POLN: variants seen among roughly 807,000 people sequenced by gnomAD.
POLN encodes DNA polymerase N.
POLN carries 108 observed loss-of-function variants against 113.5 expected under a neutral mutation model. The ratio of observed to expected loss-of-function variants is 0.95; its 90% CI spans 0.81 to 1.12. The LOEUF (loss-of-function observed/expected upper bound fraction) is 1.12, where lower values mean the gene tolerates loss of function less well. Ranked by LOEUF, POLN falls within the 50% of genes most tolerant of loss-of-function variation. The probability of loss-of-function intolerance (pLI) is 0.00; values close to 1 mark genes in which losing one functional copy is unlikely to be tolerated. For synonymous variants in POLN, 386 were observed against 391.5 expected (o/e 0.99, Z 0.17); for missense variants, 1,097 against 1,077.1 (o/e 1.02, Z -0.26).
At chr4:2,206,390 A>C (rs545998183) in intron 5 of POLN, among the ~76,000 whole-genome samples, 50 of 152,352 alleles carry the variant, frequency 3.3e-4, no homozygotes, top group African/African-American at 1.2e-3. Flanking sequence ...AAACAAAGAT[A>C]AATAGCTGGG....
intron 2 of POLN, chr4:2,239,953 T>G: frequency 9.7e-7 from 1 of 1,031,100 alleles, no homozygotes; most frequent in Non-Finnish European, 1.5e-6. Flanking sequence ...AGATGCACCA[T>G]TCTAAAGTAC....
intron 23 of POLN, chr4:2,078,821 TAA>T (rs1176454369): frequency 4.1e-6 from 4 of 985,454 alleles, no homozygotes; most frequent in East Asian, 1.1e-4. Flanking sequence ...CGTTCCTGAG[TAA>T]AAGTGTCTGT....
chr4:2,201,128 G>T (rs1358809583), intron 5 of POLN, among the ~76,000 whole-genome samples: 1 of 151,404 alleles, frequency 6.6e-6, no homozygotes, highest in Non-Finnish European at 1.5e-5. Flanking sequence ...TTAGCCGGGC[G>T]TGGTGGCACA....
rs560189724 is a variant in POLN at position 2,183,707 on chromosome 4, T to G, written c.1022-4242A>C. ...TGCTAAGGAGTACAGGGTTTTTTTT[T>G]GGGGTGACAAAAATGTTCTGATATT... On this transcript the variant is annotated intron_variant, in intron 7 of 25. Coordinates refer to ENST00000511885, the MANE Select transcript of POLN (RefSeq NM_181808.4). Among the ~76,000 whole-genome samples the G allele has an allele frequency of 2.3e-4, 35 of 152,170 alleles. 1 individual carries two copies. The highest frequency in any genetic ancestry group is 1.8e-3 in the Admixed American group (28 of 15,284).
intron 16 of POLN, among the ~76,000 whole-genome samples, chr4:2,150,833 G>T (rs538535953): frequency 2.6e-5 from 4 of 152,304 alleles, no homozygotes; most frequent in South Asian, 4.1e-4. Flanking sequence ...ATATACAACA[G>T]TCATAGCTCT....
rs370939604 is a variant in POLN, at chr4:2,196,044, T to C, written c.908+2480A>G. ...CACCATGAAAACTGGGACAACCCAATTGCATCACTAAGGGAAGTCAGGAGG... is the reference window on the plus strand; with the variant it reads ...CACCATGAAAACTGGGACAACCCAACTGCATCACTAAGGGAAGTCAGGAGG... On this transcript the variant is annotated intron_variant, in intron 6 of 25. Transcript: ENST00000511885. Among the ~76,000 whole-genome samples, 74 of 152,226 alleles carry C rather than the reference T, an allele frequency of 4.9e-4. No homozygotes were observed. The South Asian group carries it at 0.015, about 30-fold the overall frequency.
chr4:2,136,467 G>A (rs970030719), intron 16 of POLN, among the ~76,000 whole-genome samples: 6 of 152,232 alleles, frequency 3.9e-5, no homozygotes, highest in Non-Finnish European at 1.5e-5. Flanking sequence ...TGTGGATGGG[G>A]CACATCCCAG....
intron 14 of POLN, 68 bp from the exon 15 acceptor site, chr4:2,157,979 T>A: frequency 8.0e-7 from 1 of 1,250,956 alleles, no homozygotes; most frequent in Non-Finnish European, 1.1e-6. Flanking sequence ...GGGGAAGGAG[T>A]CTCGCTCCAT....
At chr4:2,156,566 T>C in intron 16 of POLN, 1 of 636,174 alleles carries the variant, frequency 1.6e-6, no homozygotes. Flanking sequence ...GGTTTCTGGG[T>C]GTGAAGCCCC....
chr4:2,153,186 G>C (rs1732335371), intron 16 of POLN, among the ~76,000 whole-genome samples: 1 of 152,176 alleles, frequency 6.6e-6, no homozygotes, highest in African/African-American at 2.4e-5. Context: ...AGGCAGGAAA[G>C]GAAAATTCTA....
intron 19 of POLN, among the ~76,000 whole-genome samples, chr4:2,121,221 G>A (rs1731431516): frequency 6.6e-6 from 1 of 152,170 alleles, no homozygotes; most frequent in East Asian, 1.9e-4. Context: ...GATTGCTTGA[G>A]GTCAGGAGCT....
intron 3 of POLN, among the ~76,000 whole-genome samples, chr4:2,213,944 T>G (rs1462045369): frequency 1.3e-5 from 2 of 152,104 alleles, no homozygotes; most frequent in Non-Finnish European, 2.9e-5. Context: ...AGACAAGAAA[T>G]GTAAGCTTAG....
At chr4:2,098,749 A>G (rs1730854860) in intron 19 of POLN, among the ~76,000 whole-genome samples, 1 of 152,260 alleles carries the variant, frequency 6.6e-6, no homozygotes, top group African/African-American at 2.4e-5. Context: ...AAGAGCACCT[A>G]GCACCAGAAC....
chr4:2,080,313 G>A, intron 23 of POLN: 1 of 997,342 alleles, frequency 1.0e-6, no homozygotes, highest in Non-Finnish European at 1.2e-6. Context: ...GGGAATAACT[G>A]AGGCAGGGAC....
intron 19 of POLN, 43 bp from the exon 20 acceptor site, chr4:2,095,976 C>G: frequency 6.4e-7 from 1 of 1,557,174 alleles, no homozygotes; most frequent in Non-Finnish European, 8.9e-7. Context: ...ACAGAAGGCA[C>G]TGTCAGTGCA....
At chr4:2,129,819 C>T (rs1021719332) in intron 17 of POLN, among the ~76,000 whole-genome samples, 4 of 152,142 alleles carry the variant, frequency 2.6e-5, no homozygotes, top group African/African-American at 9.7e-5. Context: ...CAACCAAATG[C>T]ATTCCAGTAA....
At chr4:2,207,123 C>T (rs1733865084) in intron 5 of POLN, among the ~76,000 whole-genome samples, 1 of 152,144 alleles carries the variant, frequency 6.6e-6, no homozygotes, top group South Asian at 2.1e-4. Context: ...TTGGAGACTA[C>T]TATTCTAAGT....
intron 2 of POLN, chr4:2,236,316 G>C: frequency 6.2e-7 from 1 of 1,613,664 alleles, no homozygotes; most frequent in Admixed American, 1.7e-5. Flanking sequence ...CAGAAAGAAA[G>C]AATGTTCTTG....
intron 2 of POLN, chr4:2,240,015 C>T (rs1022157955): frequency 6.4e-7 from 1 of 1,572,412 alleles, no homozygotes; most frequent in African/African-American, 1.4e-5. Context: ...CAATGTGAAT[C>T]CAATCTCATT....
Sources: allele counts gnomAD v4.1 joint callset (sites outside exome capture counted in the v4.1 genomes callset), GRCh38; gene constraint gnomAD v4.1.1; transcripts MANE v1.5; gene names NCBI Gene and HGNC (gene_info 2026-07-23, HGNC 2026-07-21).